RPAP2: variants seen among roughly 807,000 people sequenced by gnomAD.
RPAP2 encodes putative RNA polymerase II subunit B1 CTD phosphatase RPAP2.
Under a neutral mutation model 73.1 loss-of-function variants are expected in RPAP2, and 52 were observed. That is an observed-to-expected ratio of 0.71 (90% CI 0.57 to 0.90). The LOEUF (loss-of-function observed/expected upper bound fraction) is 0.90. RPAP2 is among the 40% of genes least tolerant of loss of function. The pLI, the probability that RPAP2 is intolerant of heterozygous loss-of-function variation, is 0.00. For missense variants in RPAP2, 598 were observed against 701.8 expected (o/e 0.85, Z 1.67); for synonymous variants, 225 against 242.1 (o/e 0.93, Z 0.65).
chr1:92,368,141 A>G (rs1427655703), intron 11 of RPAP2, among the ~76,000 whole-genome samples: 1 of 152,120 alleles, frequency 6.6e-6, no homozygotes. Context: ...ATCCAAGTTC[A>G]TGGCTGGCCA....
chr1:92,359,153 T>G (rs1654622455), intron 11 of RPAP2, among the ~76,000 whole-genome samples: 1 of 152,136 alleles, frequency 6.6e-6, no homozygotes, highest in Non-Finnish European at 1.5e-5. Flanking sequence ...AGAGACAAAT[T>G]ATGAGAAACA....
chr1:92,319,893 G>C (rs902912647), intron 6 of RPAP2, among the ~76,000 whole-genome samples: 1 of 151,908 alleles, frequency 6.6e-6, no homozygotes, highest in African/African-American at 2.4e-5. Flanking sequence ...AACTACTTGA[G>C]AGGCTGAGGC....
In RPAP2 at chr1:92,301,603, T is replaced by A. The variant is rs370748104; in HGVS notation, c.234+13T>A. On this transcript the variant is annotated intron_variant, in intron 3 of 12. Transcript: ENST00000610020. ...CCTAATGGAGTGTGTATGTGTTAAG[T>A]TGACAAATTATTAGTTTTGTAGTAT... 112 of 1,126,744 alleles carry A rather than the reference T, an allele frequency of 9.9e-5. No homozygotes were observed. The highest frequency in any genetic ancestry group is 1.4e-4 in the Non-Finnish European group (108 of 791,626). The allele number at this position is 1,126,744 out of a possible 1,614,324, so 69.8% of individuals were successfully genotyped here.
At chr1:92,316,406 C>T (rs1651907100) in intron 6 of RPAP2, among the ~76,000 whole-genome samples, 1 of 152,144 alleles carries the variant, frequency 6.6e-6, no homozygotes, top group Admixed American at 6.6e-5. Context: ...ACCATACCTG[C>T]TGCTTCTGTT....
intron 6 of RPAP2, among the ~76,000 whole-genome samples, chr1:92,319,536 G>T (rs1022770566): frequency 6.6e-6 from 1 of 152,188 alleles, no homozygotes; most frequent in African/African-American, 2.4e-5. Flanking sequence ...GAAGGCTGAG[G>T]TGGGGGCAGT....
In RPAP2 at chr1:92,301,524, A is replaced by G; in HGVS notation, c.168A>G (p.Arg56=). 6.3e-7 allele frequency: 1 copy of G among 1,598,014 alleles called. No individual in the cohort carries two copies. The highest frequency in any genetic ancestry group is 8.5e-7 in the Non-Finnish European group (1 of 1,174,896). Residue 56 remains arginine, a synonymous_variant, in exon 3 of 13, where the codon AGA becomes AGG. Transcript: ENST00000610020. ...TGAGAAAGAAGATTGAATTTGAGAG[A>G]AAAGCTCTACATATTGTTGAACAGC... The part of the protein sequence containing the change: ...AAVRKKIEFE[R]KALHIVEQLL...
chr1:92,372,073 A>G (rs541835822), intron 11 of RPAP2, among the ~76,000 whole-genome samples: 3 of 152,272 alleles, frequency 2.0e-5, no homozygotes, highest in African/African-American at 4.8e-5. Flanking sequence ...TCATTCCACA[A>G]TGTACACATA....
chr1:92,317,470 T>A (rs1651987771), intron 6 of RPAP2, among the ~76,000 whole-genome samples: 1 of 151,972 alleles, frequency 6.6e-6, no homozygotes, highest in Admixed American at 6.6e-5. Context: ...ATTGTGCCAC[T>A]GCACTCCAGC....
At chr1:92,358,821 T>C (rs150402180) in intron 11 of RPAP2, among the ~76,000 whole-genome samples, 4 of 152,182 alleles carry the variant, frequency 2.6e-5, no homozygotes, top group African/African-American at 9.6e-5. Flanking sequence ...CTCCTAAACT[T>C]AAGTGATCCC....
chr1:92,326,296 G>C (rs543360376), intron 8 of RPAP2, among the ~76,000 whole-genome samples: 1 of 152,112 alleles, frequency 6.6e-6, no homozygotes, highest in Non-Finnish European at 1.5e-5. Flanking sequence ...TGACCACTTG[G>C]ATAATCTCTT....
chr1:92,323,830 A>T lies in RPAP2; in HGVS notation c.910A>T (p.Thr304Ser), dbSNP rs937927915. The T allele has an allele frequency of 6.2e-7, 1 of 1,614,116 alleles. No individual in the cohort carries two copies. The highest frequency in any genetic ancestry group is 8.5e-7 in the Non-Finnish European group (1 of 1,179,994). The change falls in exon 8 of 13, where the codon ACT (threonine) becomes TCT (serine). Residue 304 changes from threonine (T) to serine (S), a missense_variant. Thr to Ser is a moderately conservative substitution (Grantham distance 58). Transcript: ENST00000610020. ...KVNTQSSSNS[T>S]LPERLKASEN... ...AAATACTCAGAGTTCTTCAAATAGC[A>T]CTTTGCCTGAAAGATTAAAAGCGTC... is the stretch of plus-strand genomic sequence containing the variant.
At chr1:92,373,748 A>AT (rs1557630305) in intron 11 of RPAP2, among the ~76,000 whole-genome samples, 7 of 138,810 alleles carry the variant, frequency 5.0e-5, no homozygotes, top group Non-Finnish European at 7.7e-5. Flanking sequence ...ATAAAAAAAA[A>AT]AAAAAAAAAA....
intron 6 of RPAP2, among the ~76,000 whole-genome samples, chr1:92,308,440 C>T (rs578188202): frequency 1.9e-3 from 282 of 152,270 alleles, no homozygotes; most frequent in African/African-American, 6.4e-3. Context: ...CCCAGTACTT[C>T]CCCAGTCCTC....
intron 6 of RPAP2, among the ~76,000 whole-genome samples, chr1:92,309,383 A>G (rs1159837337): frequency 6.6e-6 from 1 of 150,798 alleles, no homozygotes; most frequent in African/African-American, 2.4e-5. Flanking sequence ...CGGAGGTTGC[A>G]GTGAGCTGAG....
At chr1:92,371,753 G>A (rs1219055446) in intron 11 of RPAP2, among the ~76,000 whole-genome samples, 1 of 151,304 alleles carries the variant, frequency 6.6e-6, no homozygotes, top group Non-Finnish European at 1.5e-5. Flanking sequence ...TGGGCCAGGT[G>A]CAGTGGCTCA....
chr1:92,371,323 T>A (rs1239811169), intron 11 of RPAP2, among the ~76,000 whole-genome samples: 99 of 29,682 alleles, frequency 3.3e-3, no homozygotes, highest in Middle Eastern at 0.033. Context: ...AAAAAAAATA[T>A]ATATATATAT....
intron 3 of RPAP2, among the ~76,000 whole-genome samples, chr1:92,302,582 C>T (rs555348899): frequency 1.4e-5 from 2 of 141,378 alleles, no homozygotes; most frequent in South Asian, 2.3e-4. Context: ...AATTAAATTC[C>T]GCATTAAATT....
rs1656297819 is a variant in RPAP2, at chr1:92,400,805, G to A, written c.*13794G>A. On this transcript the variant is annotated 3_prime_UTR_variant, in exon 13 of 13. Coordinates refer to ENST00000610020, the MANE Select transcript of RPAP2 (RefSeq NM_024813.3). ...TCGGAAATCCTCTAGGGCAGAGAAG[G>A]AAAATTTACCAAATGGGAGAGTGTA... 6.6e-6 allele frequency: 1 copy of A among 152,228 alleles called. No individual in the cohort carries two copies. The highest frequency in any genetic ancestry group is 6.5e-5 in the Admixed American group (1 of 15,280). The allele number at this position is 152,228 out of a possible 1,614,324, so 9.4% of individuals were successfully genotyped here.
At chr1:92,323,075 TTATATATATATA>T (rs374769115) in intron 7 of RPAP2, among the ~76,000 whole-genome samples, 3 of 144,848 alleles carry the variant, frequency 2.1e-5, no homozygotes, top group African/African-American at 2.5e-5. Flanking sequence ...ATATATATAT[TTATATATATATA>T]TATATTTGCA....
Sources: allele counts gnomAD v4.1 joint callset (sites outside exome capture counted in the v4.1 genomes callset), GRCh38; gene constraint gnomAD v4.1.1; transcripts MANE v1.5; gene names NCBI Gene and HGNC (gene_info 2026-07-23, HGNC 2026-07-21).